Variants in KIRREL3 observed in about 807,000 individuals in gnomAD.
KIRREL3 encodes the protein kirre like nephrin family adhesion molecule 3.
KIRREL3 carries 36 observed loss-of-function variants against 89.7 expected under a neutral mutation model. The observed-to-expected ratio is 0.40, with a 90% CI of 0.31 to 0.53. The LOEUF is 0.53. Among genes scored for constraint, KIRREL3 ranks in the 20% least tolerant of loss-of-function variants. The pLI is 0.49. For synonymous variants in KIRREL3, 445 were observed against 441.4 expected (o/e 1.01, Z -0.10); for missense variants, 864 against 1,056.6 (o/e 0.82, Z 2.53).
chr11:126,943,823 A>T lies in KIRREL3; in HGVS notation c.55+56632T>A, dbSNP rs542235883. 6.6e-6 allele frequency among the ~76,000 whole-genome samples: 1 copy of T among 152,318 alleles called. No individual in the cohort carries two copies. The highest frequency in any genetic ancestry group is 1.5e-5 in the Non-Finnish European group (1 of 68,032). On this transcript the variant is annotated intron_variant, in intron 1 of 16. Coordinates refer to ENST00000525144, the MANE Select transcript of KIRREL3 (RefSeq NM_032531.4). The surrounding 1 kb of genome is among the most constrained non-coding windows in gnomAD (Gnocchi z 4.2). ...TGAATGAGAGAAAACAAAGTGAGGAAACGGCTAATCTCAAGGTTTAGGAGG... is the reference window on the plus strand; with the variant it reads ...TGAATGAGAGAAAACAAAGTGAGGATACGGCTAATCTCAAGGTTTAGGAGG...
intron 4 of KIRREL3, among the ~76,000 whole-genome samples, chr11:126,499,985 T>TAA (rs1232808276): frequency 6.6e-6 from 1 of 152,206 alleles, no homozygotes; most frequent in African/African-American, 2.4e-5. Context: ...ACAATGCTTT[T>TAA]GCACATCGTA....
In KIRREL3 at chr11:126,923,127, T is replaced by TCC. The variant is rs1555090056; in HGVS notation, c.55+77327_55+77328insGG. 8.3e-3 allele frequency among the ~76,000 whole-genome samples: 302 copies of TCC among 36,500 alleles called. 66 individuals are homozygous for TCC. The highest frequency in any genetic ancestry group is 0.011 in the Admixed American group (41 of 3,756). The allele number at this position is 36,500 out of a possible 152,430, so 23.9% of individuals were successfully genotyped here. On this transcript the variant is annotated intron_variant, in intron 1 of 16. Coordinates refer to ENST00000525144, the MANE Select transcript of KIRREL3 (RefSeq NM_032531.4). Reference sequence around the variant, plus strand: ...CTCCTTCTCCTTCTCCTTCTCCTTCTTCTCTTCTTCTTCTTCTTCTTCTTC... The same window carrying TCC: ...CTCCTTCTCCTTCTCCTTCTCCTTCTCCTCTCTTCTTCTTCTTCTTCTTCTTC...
chr11:126,884,999 T>G (rs1387062710), intron 1 of KIRREL3, among the ~76,000 whole-genome samples: 1 of 152,204 alleles, frequency 6.6e-6, no homozygotes, highest in East Asian at 1.9e-4. Context: ...ATTTGTGTAT[T>G]GTATTTTAAA....
At chr11:126,787,558 A>T (rs1245018001) in intron 1 of KIRREL3, among the ~76,000 whole-genome samples, 1 of 152,190 alleles carries the variant, frequency 6.6e-6, no homozygotes, top group African/African-American at 2.4e-5. Flanking sequence ...AGAGGAAAAA[A>T]GTCTGGTTCT....
intron 1 of KIRREL3, among the ~76,000 whole-genome samples, chr11:126,869,798 C>G (rs939511): frequency 0.85 from 129,474 of 152,152 alleles, 55,310 homozygotes; most frequent in East Asian, 1. Context: ...TAAGTGTTCG[C>G]TGAATCACTT....
At chr11:126,887,923 G>T (rs1945763112) in intron 1 of KIRREL3, among the ~76,000 whole-genome samples, 1 of 152,202 alleles carries the variant, frequency 6.6e-6, no homozygotes, top group Admixed American at 6.5e-5. Flanking sequence ...GGGAACAGGG[G>T]TCAGAAGGTA....
chr11:126,689,368 G>A lies in KIRREL3; in HGVS notation c.56-126456C>T, dbSNP rs573522954. On this transcript the variant is annotated intron_variant, in intron 1 of 16. Transcript: ENST00000525144. The surrounding 1 kb of genome is among the most constrained non-coding windows in gnomAD (Gnocchi z 5.2). ...CCATGGAGCTGCCCAGACCCCCTGG[G>A]AGCCCAGAGTCCCCATCCTTGCATC... is the stretch of plus-strand genomic sequence containing the variant. Among the ~76,000 whole-genome samples, 2 of 152,294 alleles carry A rather than the reference G, an allele frequency of 1.3e-5. No individual in the cohort carries two copies. Among genetic ancestry groups the A allele is most frequent in the East Asian group, 3.9e-4 (2 of 5,184 alleles).
In KIRREL3 at chr11:126,445,079, G is replaced by A; in HGVS notation, c.1152C>T (p.Thr384=). The A allele has an allele frequency of 6.2e-7, 1 of 1,614,020 alleles. No homozygotes were observed. Among genetic ancestry groups the A allele is most frequent in the East Asian group, 2.2e-5 (1 of 44,874 alleles). ...CGTCCTCCTGGCGCACGGATTTGAG[G>A]GTCAGGGTCTTCTCATTGCTCAGGA... ...GVVLSNEKTL[T]LKSVRQEDAG... The change falls in exon 10 of 17, where the codon ACC becomes ACT. Residue 384 remains threonine (T), a synonymous_variant. Coordinates refer to ENST00000525144, the MANE Select transcript of KIRREL3 (RefSeq NM_032531.4).
intron 1 of KIRREL3, among the ~76,000 whole-genome samples, chr11:126,950,227 G>T (rs990119198): frequency 6.6e-6 from 1 of 152,026 alleles, no homozygotes; most frequent in Non-Finnish European, 1.5e-5. Context: ...CAAAAATTTA[G>T]CCAGGCATGG....
intron 1 of KIRREL3, among the ~76,000 whole-genome samples, chr11:126,777,992 C>T (rs189370736): frequency 1.5e-4 from 23 of 150,422 alleles, no homozygotes; most frequent in East Asian, 1.4e-3. Flanking sequence ...GGACTGGGGA[C>T]GGCTTCCCCC....
Position 126,958,571 on chromosome 11 carries a change from C to T in KIRREL3, c.55+41884G>A, listed in dbSNP as rs566065934. Among the ~76,000 whole-genome samples, 8 of 152,334 alleles carry T rather than the reference C, an allele frequency of 5.3e-5. No individual in the cohort carries two copies. The East Asian group carries it at 1.2e-3, about 22-fold the overall frequency. On this transcript the variant is annotated intron_variant, in intron 1 of 16. Transcript: ENST00000525144. ...ATTCTATCCAGGGATATGCCTGCCT[C>T]TTTCACTAAATTTGATGGTATGAAG...
At chr11:126,827,357 T>C (rs896133532) in intron 1 of KIRREL3, among the ~76,000 whole-genome samples, 3 of 152,044 alleles carry the variant, frequency 2.0e-5, no homozygotes, top group African/African-American at 7.2e-5. Context: ...TTTGCATTTT[T>C]AGTAGAGATG....
rs1947024257 is a variant in KIRREL3, at chr11:126,694,851, A to C, written c.56-131939T>G. Reference sequence around the variant, plus strand: ...GGGTGGCTGGAATGGGGACTGGAAGAGACAGGTAAGTCCCCAACCTATCTT... The same window carrying C: ...GGGTGGCTGGAATGGGGACTGGAAGCGACAGGTAAGTCCCCAACCTATCTT... On this transcript the variant is annotated intron_variant, in intron 1 of 16. Transcript: ENST00000525144. The surrounding 1 kb of genome is among the most constrained non-coding windows in gnomAD (Gnocchi z 4.4). Among the ~76,000 whole-genome samples the C allele has an allele frequency of 6.6e-6, 1 of 152,184 alleles. No homozygotes were observed. The highest frequency in any genetic ancestry group is 2.4e-5 in the African/African-American group (1 of 41,436).
At position 126,536,527 on chromosome 11, in the gene KIRREL3, T is replaced by C. The variant is rs560674380; in HGVS notation, c.134-9840A>G. On this transcript the variant is annotated intron_variant, in intron 2 of 16. Transcript: ENST00000525144. ...GGGCAGCATGGACTAGTACAAAGAG[T>C]GTGGGATTTGGGATGGTTGTGTAAC... Among the ~76,000 whole-genome samples the C allele has an allele frequency of 2.0e-5, 3 of 150,926 alleles. No individual in the cohort carries two copies. In the South Asian group the frequency reaches 6.3e-4, roughly 32 times the overall value.
At chr11:126,590,782 T>C (rs1220123439) in intron 1 of KIRREL3, among the ~76,000 whole-genome samples, 1 of 152,082 alleles carries the variant, frequency 6.6e-6, no homozygotes, top group Non-Finnish European at 1.5e-5. Flanking sequence ...CCTAGATACC[T>C]TGGTAGCGGG....
rs1431952127 is a variant in KIRREL3, at chr11:126,535,289, C to G, written c.134-8602G>C. ...CCGGCTTCCAACCTGGATGCAGCGC[C>G]CTCATCTTAATCTCTTTTCTGGGAC... On this transcript the variant is annotated intron_variant, in intron 2 of 16. Coordinates refer to ENST00000525144, the MANE Select transcript of KIRREL3 (RefSeq NM_032531.4). The surrounding 1 kb of genome is among the most constrained non-coding windows in gnomAD (Gnocchi z 4.5). 6.6e-6 allele frequency among the ~76,000 whole-genome samples: 1 copy of G among 152,156 alleles called. No homozygotes were observed. Among genetic ancestry groups the G allele is most frequent in the Non-Finnish European group, 1.5e-5 (1 of 68,046 alleles).
chr11:126,450,499 ATGTGTGCATGTGTG>A (rs1186167756), intron 7 of KIRREL3, among the ~76,000 whole-genome samples: 1 of 85,740 alleles, frequency 1.2e-5, no homozygotes, highest in African/African-American at 3.8e-5. Flanking sequence ...GAGTGTGTGC[ATGTGTGCATGTGTG>A]TGTGTGCATC....
At chr11:126,819,271 A>G (rs1943127531) in intron 1 of KIRREL3, among the ~76,000 whole-genome samples, 1 of 152,204 alleles carries the variant, frequency 6.6e-6, no homozygotes, top group South Asian at 2.1e-4. Flanking sequence ...TTCTGTCCCC[A>G]GCTGAGAGGC....
rs906323863 is a variant in KIRREL3, at chr11:126,565,331, T to G, written c.56-2419A>C. ...CTTGAGGAGAGGCTGTGTGGACAAG[T>G]GGTTATGATATAATAACTAAGAGTC... is the stretch of plus-strand genomic sequence containing the variant. On this transcript the variant is annotated intron_variant, in intron 1 of 16. Transcript: ENST00000525144. This position sits in a 1 kb window ranked among gnomAD's most constrained non-coding sequence, Gnocchi z 5.4. 2.6e-5 allele frequency among the ~76,000 whole-genome samples: 4 copies of G among 152,286 alleles called. No homozygotes were observed. The highest frequency in any genetic ancestry group is 2.6e-4 in the Admixed American group (4 of 15,298).
Sources: gnomAD v4.1 joint callset for allele counts (sites outside exome capture counted in the v4.1 genomes callset) on GRCh38, gnomAD v4.1.1 for gene constraint, Gnocchi (gnomAD v3.1) non-coding constraint, MANE v1.5 for transcripts, NCBI Gene and HGNC (gene_info 2026-07-23, HGNC 2026-07-21) for gene names.